The following RTKN variants were observed in gnomAD, a reference collection of about 807,000 sequenced individuals.
RTKN encodes rhotekin.
A neutral mutation model predicts 63.5 loss-of-function variants in RTKN; 49 were observed. That is an observed-to-expected ratio of 0.77 (90% CI 0.61 to 0.98). RTKN has a LOEUF of 0.98. Ranked by LOEUF, RTKN falls within the 50% of genes least tolerant of loss-of-function variation. The probability of loss-of-function intolerance (pLI) is 0.00; values close to 1 mark genes in which losing one functional copy is unlikely to be tolerated. For synonymous variants in RTKN, 295 were observed against 290.4 expected (o/e 1.02, Z -0.16); for missense variants, 685 against 740.8 (o/e 0.92, Z 0.87).
intron 1 of RTKN, among the ~76,000 whole-genome samples, chr2:74,438,168 C>T (rs1288598547): frequency 6.6e-6 from 1 of 152,120 alleles, no homozygotes; most frequent in African/African-American, 2.4e-5. Context: ...CAGGCAGTCA[C>T]TTCCACAACT....
Position 74,426,514 on chromosome 2 carries a change from G to T in RTKN, c.1421C>A (p.Ala474Glu). 6.4e-7 allele frequency: 1 copy of T among 1,567,200 alleles called. No homozygotes were observed. Residue 474 changes from alanine to glutamate, a missense_variant, in exon 12 of 12, where the codon GCA becomes GAA. By Grantham distance (107) the Ala-to-Glu change is moderately radical. Coordinates refer to ENST00000272430, the MANE Select transcript of RTKN (RefSeq NM_001015055.2). ...CCAGGGTGGGGGTGTCTCCAGCCTTGCGCCCTCCCGCTGGGTCAGGATGTC... is the reference window on the plus strand; with the variant it reads ...CCAGGGTGGGGGTGTCTCCAGCCTTTCGCCCTCCCGCTGGGTCAGGATGTC... The part of the protein sequence containing the change: ...VTDILTQREG[A>E]RLETPPPWLA...
intron 6 of RTKN, 141 bp downstream of exon 6, chr2:74,429,687 T>C (rs999390118): frequency 1.4e-5 from 11 of 791,192 alleles, no homozygotes; most frequent in Non-Finnish European, 2.2e-5. Flanking sequence ...GCCTCCCAGC[T>C]ACGTGGCCAC....
intron 5 of RTKN, 60 bp downstream of exon 5, chr2:74,430,192 C>T (rs1339325946): frequency 1.6e-5 from 25 of 1,557,544 alleles, no homozygotes; most frequent in East Asian, 1.1e-4. Flanking sequence ...CCCTGGAACT[C>T]GCTCATCCAG....
Position 74,426,226 on chromosome 2 carries a change from G to A in RTKN, c.*17C>T. ...ATTTTCTCTTCTGGGCAGATCCTAT[G>A]CCAGCACCTTTCTCTCTCACACTGG... is the stretch of plus-strand genomic sequence containing the variant. On this transcript the variant is annotated 3_prime_UTR_variant, in exon 12 of 12. Coordinates refer to ENST00000272430, the MANE Select transcript of RTKN (RefSeq NM_001015055.2). The A allele has an allele frequency of 6.2e-7, 1 of 1,608,126 alleles. No homozygotes were observed. The highest frequency in any genetic ancestry group is 2.2e-5 in the East Asian group (1 of 44,862).
intron 1 of RTKN, chr2:74,439,717 C>T: frequency 6.4e-7 from 1 of 1,567,996 alleles, no homozygotes; most frequent in Non-Finnish European, 8.7e-7. Context: ...CCCACTGTTC[C>T]CTCAGTCTTT....
chr2:74,428,507 C>A, intron 8 of RTKN, 111 bp from the exon 9 acceptor site: 2 of 1,579,726 alleles, frequency 1.3e-6, no homozygotes, highest in South Asian at 2.2e-5. Flanking sequence ...CATTCCTCCC[C>A]TCGTCTGGCC....
Position 74,430,097 on chromosome 2 carries a change from G to A in RTKN, c.546-60C>T, listed in dbSNP as rs1383019329. 7.6e-6 allele frequency: 12 copies of A among 1,588,330 alleles called. No homozygotes were observed. The East Asian group carries it at 2.7e-4, about 36-fold the overall frequency. On this transcript the variant is annotated intron_variant, in intron 5 of 11. Coordinates refer to ENST00000272430, the MANE Select transcript of RTKN (RefSeq NM_001015055.2). ...AAGTCCAGGGAGGCAGAGGGTAGGGGATGTGGGTGAGGCAAGTGCAGGACA... is the reference window on the plus strand; with the variant it reads ...AAGTCCAGGGAGGCAGAGGGTAGGGAATGTGGGTGAGGCAAGTGCAGGACA...
In RTKN at chr2:74,427,558, G is replaced by A. The variant is rs1378535217; in HGVS notation, c.1121C>T (p.Ala374Val). ...TRVRAGELDQ[A>V]LGRPFTLSIS... ...GCTTAGGGTGAAGGGCCGTCCTAGAGCCTGGTCCAGCTCCCCTGCCCGGAC... is the reference window on the plus strand; with the variant it reads ...GCTTAGGGTGAAGGGCCGTCCTAGAACCTGGTCCAGCTCCCCTGCCCGGAC... The change falls in exon 10 of 12, where the codon GCT (alanine) becomes GTT (valine). Residue 374 changes from alanine (A) to valine (V), a missense_variant. Physicochemically the swap from Ala to Val is moderately conservative, Grantham distance 64. Coordinates refer to ENST00000272430, the MANE Select transcript of RTKN (RefSeq NM_001015055.2). 1 of 1,613,552 alleles carries A rather than the reference G, an allele frequency of 6.2e-7. No homozygotes were observed. The highest frequency in any genetic ancestry group is 8.5e-7 in the Non-Finnish European group (1 of 1,180,002).
chr2:74,436,072 C>T lies in RTKN; in HGVS notation c.112-3406G>A, dbSNP rs888684419. 6.6e-6 allele frequency among the ~76,000 whole-genome samples: 1 copy of T among 152,070 alleles called. No individual in the cohort carries two copies. Among genetic ancestry groups the T allele is most frequent in the African/African-American group, 2.4e-5 (1 of 41,304 alleles). On this transcript the variant is annotated intron_variant, in intron 1 of 11. Transcript: ENST00000272430. The surrounding 1 kb of genome is among the most constrained non-coding windows in gnomAD (Gnocchi z 4.3). Reference sequence around the variant, plus strand: ...TCTGCGCTGCCCGACAACCCCCACCCCAGTCTGCACCCAGCTTCAGCCACA... The same window carrying T: ...TCTGCGCTGCCCGACAACCCCCACCTCAGTCTGCACCCAGCTTCAGCCACA...
chr2:74,439,665 A>AG (rs1333407376), intron 1 of RTKN: 1 of 1,612,200 alleles, frequency 6.2e-7, no homozygotes. Context: ...ACCCCTCCAG[A>AG]GGGGGGACAG....
chr2:74,437,947 C>G (rs1345407568), intron 1 of RTKN, among the ~76,000 whole-genome samples: 5 of 152,174 alleles, frequency 3.3e-5, no homozygotes, highest in Non-Finnish European at 4.4e-5. Flanking sequence ...ACAACCTGCA[C>G]AGTTTATGCC....
chr2:74,432,361 G>A (rs765603734), intron 2 of RTKN, 106 bp downstream of exon 2: 2 of 1,079,096 alleles, frequency 1.9e-6, no homozygotes, highest in South Asian at 1.2e-5. Flanking sequence ...GACTTCATGG[G>A]GAAGTCATCT....
chr2:74,441,662 C>T (rs369827322), intron 1 of RTKN, 44 bp downstream of exon 1: 21 of 1,460,942 alleles, frequency 1.4e-5, no homozygotes, highest in Non-Finnish European at 2.0e-5. Flanking sequence ...TGGGGCTGCC[C>T]CCGGGAGCCG....
At chr2:74,440,649 G>T in intron 1 of RTKN, 2 of 821,778 alleles carry the variant, frequency 2.4e-6, no homozygotes, top group South Asian at 5.6e-5. Context: ...CCCGGGCCTC[G>T]CCCCTTACTC....
At chr2:74,426,844 A>T in intron 11 of RTKN, 3 of 1,343,402 alleles carry the variant, frequency 2.2e-6, no homozygotes, top group Non-Finnish European at 2.8e-6. Flanking sequence ...AAGAGGAGAA[A>T]ATGAAAGCGG....
chr2:74,426,524 G>C lies in RTKN; in HGVS notation c.1411C>G (p.Arg471Gly), dbSNP rs1028121253. 6.4e-7 allele frequency: 1 copy of C among 1,555,692 alleles called. No homozygotes were observed. The highest frequency in any genetic ancestry group is 8.7e-7 in the Non-Finnish European group (1 of 1,148,672). The change falls in exon 12 of 12, where the codon CGG becomes GGG. Residue 471 changes from arginine to glycine, a missense_variant. Coordinates refer to ENST00000272430, the MANE Select transcript of RTKN (RefSeq NM_001015055.2). ...IAAVTDILTQ[R>G]EGARLETPPP... ...GGTGTCTCCAGCCTTGCGCCCTCCC[G>C]CTGGGTCAGGATGTCTGTCACCGCT...
At chr2:74,432,705 G>A (rs928266638) in intron 1 of RTKN, 39 bp from the exon 2 acceptor site, 6 of 1,594,540 alleles carry the variant, frequency 3.8e-6, no homozygotes, top group Admixed American at 1.7e-5. Context: ...GGAAATGTCA[G>A]TCAGTGGACA....
intron 1 of RTKN, chr2:74,439,610 A>G: frequency 6.2e-7 from 1 of 1,614,054 alleles, no homozygotes; most frequent in Admixed American, 1.7e-5. Context: ...AGGATGTGCA[A>G]TCTGTCCTGC....
At chr2:74,432,811 A>C in intron 1 of RTKN, 145 bp from the exon 2 acceptor site, 1 of 647,796 alleles carries the variant, frequency 1.5e-6, no homozygotes, top group Non-Finnish European at 2.7e-6. Context: ...ATTGGGTCTC[A>C]ATCTCAGCTG....
Sources: allele counts gnomAD v4.1 joint callset (sites outside exome capture counted in the v4.1 genomes callset), GRCh38; gene constraint gnomAD v4.1.1; non-coding constraint Gnocchi (gnomAD v3.1); transcripts MANE v1.5; gene names NCBI Gene and HGNC (gene_info 2026-07-23, HGNC 2026-07-21).